Variants in FHIT observed in about 807,000 individuals in gnomAD.
The protein encoded by FHIT is fragile histidine triad diadenosine triphosphatase.
In FHIT, 19 loss-of-function variants were observed where a neutral mutation model predicts 17.9. The observed-to-expected ratio is 1.06, with a 90% CI of 0.74 to 1.56. FHIT has a LOEUF of 1.56. FHIT is among the 40% of genes most tolerant of loss of function. The pLI, the probability that FHIT is intolerant of heterozygous loss-of-function variation, is 0.00. For synonymous variants in FHIT, 81 were observed against 69.7 expected, an observed-to-expected ratio of 1.16 and a Z score of -0.81; for missense variants, 248 against 189.2, an observed-to-expected ratio of 1.31 and a Z score of -1.82.
chr3:60,268,083 T>A (rs213336), intron 5 of FHIT, among the ~76,000 whole-genome samples: 30,252 of 152,118 alleles, frequency 0.2, 3,266 homozygotes, highest in South Asian at 0.35. Context: ...ATATCATTCA[T>A]AGAACCTCAA....
chr3:59,958,573 T>A (rs1444113645), intron 7 of FHIT, among the ~76,000 whole-genome samples: 1 of 152,220 alleles, frequency 6.6e-6, no homozygotes, highest in Non-Finnish European at 1.5e-5. Context: ...AATAGGTTTT[T>A]ACTGAGTGTC....
At chr3:60,082,398 C>T (rs1184700986) in intron 5 of FHIT, among the ~76,000 whole-genome samples, 1 of 152,088 alleles carries the variant, frequency 6.6e-6, no homozygotes, top group Non-Finnish European at 1.5e-5. Context: ...AAGTTGATTT[C>T]ATGTCTTTGC....
chr3:60,967,858 GT>G (rs1223658635), intron 3 of FHIT, among the ~76,000 whole-genome samples: 4 of 152,128 alleles, frequency 2.6e-5, no homozygotes, highest in African/African-American at 9.7e-5. Flanking sequence ...TACTGATATT[GT>G]AAGAGGGCTC....
In FHIT at chr3:61,215,939, C is replaced by A. The variant is rs79862154; in HGVS notation, c.-212-15274G>T. On this transcript the variant is annotated intron_variant, in intron 1 of 9. Coordinates refer to ENST00000492590, the MANE Select transcript of FHIT (RefSeq NM_002012.4). ...AATGGTGCTGGGAAAACTAGCTAGC[C>A]ATATGTAGAAAGCTGAAACTGGATC... Among the ~76,000 whole-genome samples, 8 of 152,066 alleles carry A rather than the reference C, an allele frequency of 5.3e-5. No individual in the cohort carries two copies. The East Asian group carries it at 9.7e-4, about 18-fold the overall frequency.
chr3:60,470,978 T>C (rs2033061306), intron 5 of FHIT, among the ~76,000 whole-genome samples: 1 of 152,214 alleles, frequency 6.6e-6, no homozygotes, highest in South Asian at 2.1e-4. Flanking sequence ...CAGCAGGTTC[T>C]CTTCCAGCTC....
chr3:60,270,986 A>C (rs143348894), intron 5 of FHIT, among the ~76,000 whole-genome samples: 111 of 152,310 alleles, frequency 7.3e-4, no homozygotes, highest in Non-Finnish European at 8.1e-4. Flanking sequence ...TAGAGGACTT[A>C]TGCTGGACCT....
rs184249899 is a variant in FHIT at position 61,148,137 on chromosome 3, A to G, written c.-164+52480T>C. ...ACTATCGATGATTTATTTTCTTTTA[A>G]TTTTTATTAATGTTCGAAACAAACA... On this transcript the variant is annotated intron_variant, in intron 2 of 9. Coordinates refer to ENST00000492590, the MANE Select transcript of FHIT (RefSeq NM_002012.4). 4.6e-5 allele frequency among the ~76,000 whole-genome samples: 7 copies of G among 152,018 alleles called. No individual in the cohort carries two copies. In the East Asian group the frequency reaches 1.4e-3, roughly 29 times the overall value.
intron 3 of FHIT, among the ~76,000 whole-genome samples, chr3:60,858,653 T>A (rs1260084429): frequency 6.6e-6 from 1 of 152,122 alleles, no homozygotes; most frequent in Non-Finnish European, 1.5e-5. Context: ...TGCCTTATTA[T>A]AACTATCACA....
At chr3:61,239,766 T>TATATATATATATATATAC (rs2040326027) in intron 1 of FHIT, among the ~76,000 whole-genome samples, 1 of 131,632 alleles carries the variant, frequency 7.6e-6, no homozygotes, top group African/African-American at 2.9e-5. Context: ...ACTGGCCATA[T>TATATATATATATATATAC]ATATATATAT....
At chr3:61,232,356 C>T (rs2040127214) in intron 1 of FHIT, among the ~76,000 whole-genome samples, 1 of 152,202 alleles carries the variant, frequency 6.6e-6, no homozygotes, top group African/African-American at 2.4e-5. Context: ...CACTGCACTT[C>T]AGCCTGAGGG....
intron 4 of FHIT, among the ~76,000 whole-genome samples, chr3:60,790,904 G>A (rs1402078220): frequency 6.6e-6 from 1 of 152,186 alleles, no homozygotes; most frequent in Non-Finnish European, 1.5e-5. Context: ...GGCAAAGGGA[G>A]GGGATTTGTG....
intron 3 of FHIT, among the ~76,000 whole-genome samples, chr3:60,886,867 G>C (rs146184766): frequency 3.5e-4 from 53 of 152,250 alleles, no homozygotes; most frequent in Middle Eastern, 3.4e-3. Flanking sequence ...CTACTACCTA[G>C]GTCATAATAC....
At chr3:60,688,543 C>T (rs1026562369) in intron 4 of FHIT, among the ~76,000 whole-genome samples, 9 of 151,780 alleles carry the variant, frequency 5.9e-5, no homozygotes, top group South Asian at 4.2e-4. Flanking sequence ...GTGATTCTCC[C>T]GCCTCAGCCT....
chr3:60,427,524 T>C lies in FHIT; in HGVS notation c.103+109336A>G, dbSNP rs1438654267. ...TTCTGTGGCTTTAAGCCACTACATT[T>C]GTGGTAATGTATTACACAGCAATAG... is the stretch of plus-strand genomic sequence containing the variant. On this transcript the variant is annotated intron_variant, in intron 5 of 9. Transcript: ENST00000492590. 2.6e-5 allele frequency among the ~76,000 whole-genome samples: 4 copies of C among 152,178 alleles called. No individual in the cohort carries two copies. The East Asian group carries it at 7.7e-4, about 29-fold the overall frequency.
chr3:61,223,086 G>A (rs554603246), intron 1 of FHIT, among the ~76,000 whole-genome samples: 2 of 152,180 alleles, frequency 1.3e-5, no homozygotes, highest in East Asian at 3.9e-4. Flanking sequence ...AGACTAAATT[G>A]GATTTTGGAT....
At chr3:60,893,153 G>A (rs1553761062) in intron 3 of FHIT, among the ~76,000 whole-genome samples, 2 of 152,128 alleles carry the variant, frequency 1.3e-5, no homozygotes, top group African/African-American at 2.4e-5. Context: ...CCAGAGAAAA[G>A]GAGCATCCTT....
At chr3:60,555,662 T>C (rs1252481811) in intron 4 of FHIT, among the ~76,000 whole-genome samples, 1 of 152,206 alleles carries the variant, frequency 6.6e-6, no homozygotes, top group Admixed American at 6.5e-5. Context: ...ATCCTACCCA[T>C]CTCATTACCT....
chr3:60,759,937 G>A (rs904030937), intron 4 of FHIT, among the ~76,000 whole-genome samples: 3 of 151,724 alleles, frequency 2.0e-5, no homozygotes, highest in Middle Eastern at 3.4e-3. Context: ...CTTCCTTCCT[G>A]CTTTCCTTTT....
intron 8 of FHIT, among the ~76,000 whole-genome samples, chr3:59,755,742 T>TGAGA (rs1265940235): frequency 6.6e-6 from 1 of 152,122 alleles, no homozygotes; most frequent in Non-Finnish European, 1.5e-5. Context: ...TGATTCTTAG[T>TGAGA]GAGATGGGAT....
Sources: allele counts gnomAD v4.1 joint callset (sites outside exome capture counted in the v4.1 genomes callset), GRCh38; gene constraint gnomAD v4.1.1; transcripts MANE v1.5; gene names NCBI Gene and HGNC (gene_info 2026-07-23, HGNC 2026-07-21).